Variants in ATP8A2 observed in about 807,000 individuals in gnomAD.
ATP8A2 encodes phospholipid-transporting ATPase IB.
In ATP8A2, 100 loss-of-function variants were observed where a neutral mutation model predicts 165.6. That is an observed-to-expected ratio of 0.60 (90% CI 0.51 to 0.71). The LOEUF (loss-of-function observed/expected upper bound fraction) is 0.71, where lower values mean the gene tolerates loss of function less well. ATP8A2 is among the 30% of genes least tolerant of loss of function. The probability of loss-of-function intolerance (pLI) is 0.00; values close to 1 mark genes in which losing one functional copy is unlikely to be tolerated. For synonymous variants in ATP8A2, 543 were observed against 548.8 expected (o/e 0.99, Z 0.15); for missense variants, 1,227 against 1,479.5 (o/e 0.83, Z 2.80).
intron 33 of ATP8A2, among the ~76,000 whole-genome samples, chr13:25,903,850 A>C (rs1381056628): frequency 5.3e-5 from 8 of 152,068 alleles, no homozygotes; most frequent in Admixed American, 5.2e-4. Context: ...ACACATTCAC[A>C]CAATGTATAA....
At position 25,862,368 on chromosome 13, in the gene ATP8A2, T is replaced by C; in HGVS notation, c.3143T>C (p.Ile1048Thr). Residue 1048 changes from isoleucine to threonine, a missense_variant, in exon 33 of 37, where the codon ATC (isoleucine) becomes ACC (threonine). Coordinates refer to ENST00000381655, the MANE Select transcript of ATP8A2 (RefSeq NM_016529.6). ...WLVFFGIYST[I>T]WPTIPIAPDM... ...GTGTTTTTTGGCATCTACTCGACCA[T>C]CTGGCCCACCATTCCCATTGCTCCA... The C allele has an allele frequency of 6.2e-7, 1 of 1,614,098 alleles. No individual in the cohort carries two copies. Among genetic ancestry groups the C allele is most frequent in the Admixed American group, 1.7e-5 (1 of 60,022 alleles).
intron 27 of ATP8A2, among the ~76,000 whole-genome samples, chr13:25,806,168 G>A (rs1052263944): frequency 6.6e-6 from 1 of 152,160 alleles, no homozygotes; most frequent in African/African-American, 2.4e-5. Context: ...GGTAAGTTGA[G>A]GAGGCGGGAG....
chr13:25,919,124 C>G (rs1299826506), intron 33 of ATP8A2, among the ~76,000 whole-genome samples: 1 of 152,184 alleles, frequency 6.6e-6, no homozygotes, highest in Non-Finnish European at 1.5e-5. Flanking sequence ...GTATATTTTT[C>G]CAGATATGAA....
At chr13:25,640,351 T>C (rs1216815608) in intron 24 of ATP8A2, among the ~76,000 whole-genome samples, 1 of 151,806 alleles carries the variant, frequency 6.6e-6, no homozygotes, top group Admixed American at 6.6e-5. Context: ...ATTGATAGAC[T>C]GCTAGCAAGA....
intron 2 of ATP8A2, among the ~76,000 whole-genome samples, chr13:25,500,630 G>C (rs1390604326): frequency 1.3e-5 from 2 of 152,096 alleles, no homozygotes; most frequent in African/African-American, 4.8e-5. Flanking sequence ...CTGTTGCCCA[G>C]TCTGGAGTGC....
chr13:25,827,085 T>C (rs1951338874), intron 27 of ATP8A2, among the ~76,000 whole-genome samples: 1 of 152,184 alleles, frequency 6.6e-6, no homozygotes, highest in Admixed American at 6.5e-5. Flanking sequence ...CAGTGTTTTT[T>C]GTTTTTTTTG....
intron 24 of ATP8A2, among the ~76,000 whole-genome samples, chr13:25,677,921 G>A (rs1280159090): frequency 6.6e-6 from 1 of 152,154 alleles, no homozygotes; most frequent in Non-Finnish European, 1.5e-5. Flanking sequence ...GAGCACTGTG[G>A]TGATCTGGTG....
chr13:25,634,941 T>G (rs994209609), intron 24 of ATP8A2, among the ~76,000 whole-genome samples: 1 of 141,748 alleles, frequency 7.1e-6, no homozygotes. Flanking sequence ...TAGCAAGCAC[T>G]TTTTTTTGGA....
intron 33 of ATP8A2, among the ~76,000 whole-genome samples, chr13:25,911,152 C>A (rs1007944418): frequency 3.9e-5 from 6 of 152,082 alleles, no homozygotes; most frequent in Admixed American, 2.0e-4. Flanking sequence ...CTTTTCAAGC[C>A]CCTGCTGACA....
In ATP8A2 at chr13:25,448,805, A is replaced by G. The variant is rs570356683; in HGVS notation, c.77-20172A>G. On this transcript the variant is annotated intron_variant, in intron 1 of 36. Coordinates refer to ENST00000381655, the MANE Select transcript of ATP8A2 (RefSeq NM_016529.6). ...GCTGGGAATACAGGCACCTGCCACC[A>G]GCCCTGGCTAATTTTTGTATTTTTT... Among the ~76,000 whole-genome samples, 21 of 152,246 alleles carry G rather than the reference A, an allele frequency of 1.4e-4. No individual in the cohort carries two copies. The Middle Eastern group carries it at 0.017, about 123-fold the overall frequency.
chr13:25,647,763 G>T (rs1566012049), intron 24 of ATP8A2, among the ~76,000 whole-genome samples: 1 of 151,348 alleles, frequency 6.6e-6, no homozygotes, highest in Admixed American at 6.6e-5. Flanking sequence ...TCGGCTCACT[G>T]CAACCTCTGC....
At position 25,469,040 on chromosome 13, in the gene ATP8A2, T is replaced by C; in HGVS notation, c.140T>C (p.Val47Ala). The C allele has an allele frequency of 6.2e-7, 1 of 1,614,064 alleles. No homozygotes were observed. The highest frequency in any genetic ancestry group is 8.5e-7 in the Non-Finnish European group (1 of 1,179,910). Reference protein sequence around the residue: ...AEDEMSRATSVGDQLEAPART... With the variant: ...AEDEMSRATSAGDQLEAPART... ...GATGAGATGTCCCGGGCCACGTCTGTTGGAGACCAGCTGGAGGCACCCGCC... is the reference window on the plus strand; with the variant it reads ...GATGAGATGTCCCGGGCCACGTCTGCTGGAGACCAGCTGGAGGCACCCGCC... Residue 47 changes from valine to alanine, a missense_variant, in exon 2 of 37, where the codon GTT becomes GCT. Physicochemically the swap from Val to Ala is moderately conservative, Grantham distance 64 (BLOSUM62 0). Transcript: ENST00000381655.
chr13:25,619,530 TA>T (rs1223572789), intron 24 of ATP8A2, among the ~76,000 whole-genome samples: 1 of 152,070 alleles, frequency 6.6e-6, no homozygotes, highest in Non-Finnish European at 1.5e-5. Context: ...CATGCTATGT[TA>T]AAAAAACAGA....
At position 25,883,280 on chromosome 13, in the gene ATP8A2, C is replaced by T. The variant is rs190538679; in HGVS notation, c.3183+20872C>T. 5.4e-3 allele frequency among the ~76,000 whole-genome samples: 820 copies of T among 152,112 alleles called. 14 individuals carry two copies. Among genetic ancestry groups the T allele is most frequent in the African/African-American group, 0.019 (799 of 41,504 alleles). ...TATGAAAAAATACAAATTAGCTGGG[C>T]GTGGTGGTGGGTGCCTGTAATTCCA... On this transcript the variant is annotated intron_variant, in intron 33 of 36. Coordinates refer to ENST00000381655, the MANE Select transcript of ATP8A2 (RefSeq NM_016529.6).
At chr13:25,831,526 T>C (rs1422501552) in intron 28 of ATP8A2, among the ~76,000 whole-genome samples, 1 of 152,106 alleles carries the variant, frequency 6.6e-6, no homozygotes, top group Non-Finnish European at 1.5e-5. Flanking sequence ...CAAACTAATT[T>C]TCATAACAAG....
rs933891698 is a variant in ATP8A2 at position 25,750,490 on chromosome 13, A to G, written c.2385-18556A>G. Among the ~76,000 whole-genome samples the G allele has an allele frequency of 6.6e-6, 1 of 150,906 alleles. No individual in the cohort carries two copies. Among genetic ancestry groups the G allele is most frequent in the African/African-American group, 2.4e-5 (1 of 40,898 alleles). On this transcript the variant is annotated intron_variant, in intron 25 of 36. Transcript: ENST00000381655. The surrounding 1 kb of genome is among the most constrained non-coding windows in gnomAD (Gnocchi z 4.3). ...AGCTATCCCCCCGATTCTGACTCCC[A>G]CCTGCTTCCATGTTGCTCTGCCCGG... is the stretch of plus-strand genomic sequence containing the variant.
intron 33 of ATP8A2, among the ~76,000 whole-genome samples, chr13:25,882,246 C>A (rs1953002209): frequency 6.6e-6 from 1 of 152,072 alleles, no homozygotes; most frequent in Non-Finnish European, 1.5e-5. Flanking sequence ...AGTCTTAATG[C>A]AGAGTTAAGT....
At chr13:25,428,760 C>T (rs868315997) in intron 1 of ATP8A2, among the ~76,000 whole-genome samples, 88 of 152,288 alleles carry the variant, frequency 5.8e-4, no homozygotes, top group African/African-American at 2.0e-3. Flanking sequence ...GCAGCCCACT[C>T]GCAAGCAGGA....
At chr13:25,694,823 A>C (rs943451996) in intron 24 of ATP8A2, among the ~76,000 whole-genome samples, 1 of 152,148 alleles carries the variant, frequency 6.6e-6, no homozygotes, top group Non-Finnish European at 1.5e-5. Context: ...GGCATGCACC[A>C]TCATGCCTGG....
Sources: gnomAD v4.1 joint callset for allele counts (sites outside exome capture counted in the v4.1 genomes callset) on GRCh38, gnomAD v4.1.1 for gene constraint, Gnocchi (gnomAD v3.1) non-coding constraint, MANE v1.5 for transcripts, NCBI Gene and HGNC (gene_info 2026-07-23, HGNC 2026-07-21) for gene names.